The following PLEKHG3 variants were observed in gnomAD, a reference collection of about 807,000 sequenced individuals.
PLEKHG3 encodes the protein pleckstrin homology and RhoGEF domain containing G3, also known as pleckstrin homology domain-containing family G member 3.
PLEKHG3 carries 62 observed loss-of-function variants against 94.9 expected under a neutral mutation model. The ratio of observed to expected loss-of-function variants is 0.65; its 90% CI spans 0.53 to 0.81. PLEKHG3 has a LOEUF of 0.81. PLEKHG3 is among the 30% of genes least tolerant of loss of function. The pLI is 0.00. For missense variants in PLEKHG3, 1,461 were observed against 1,619.3 expected (o/e 0.90, Z 1.68); for synonymous variants, 614 against 654.0 (o/e 0.94, Z 0.93).
At chr14:64,734,758 T>C (rs2081538992) in intron 12 of PLEKHG3, among the ~76,000 whole-genome samples, 1 of 146,096 alleles carries the variant, frequency 6.8e-6, no homozygotes, top group Non-Finnish European at 1.5e-5. Context: ...TCCTTGTCTG[T>C]CACCCAGGCT....
Position 64,737,398 on chromosome 14 carries a change from G to A in PLEKHG3, c.1404+23G>A, listed in dbSNP as rs1355823285. ...AAGGTAAAGGCCAGTGGGAGGAGGG[G>A]ACTGGCTGACAGAGGAGGGTGGGAC... On this transcript the variant is annotated intron_variant, in intron 14 of 16. Transcript: ENST00000247226. 3 of 1,559,026 alleles carry A rather than the reference G, an allele frequency of 1.9e-6. No individual in the cohort carries two copies. The East Asian group carries it at 6.8e-5, about 35-fold the overall frequency.
rs572239736 is a variant in PLEKHG3 at position 64,709,776 on chromosome 14, A to C, written c.-40+5072A>C. Among the ~76,000 whole-genome samples the C allele has an allele frequency of 3.3e-5, 5 of 150,290 alleles. No individual in the cohort carries two copies. The South Asian group carries it at 1.1e-3, about 32-fold the overall frequency. ...GTGTGTGTGTGTGTGTAGTATTAGA[A>C]AGGAACCAGTATTCTCATATAGCTT... On this transcript the variant is annotated intron_variant, in intron 1 of 16. Transcript: ENST00000247226.
Position 64,749,625 on chromosome 14 carries a change from C to T in PLEKHG3, c.*5922C>T. On this transcript the variant is annotated 3_prime_UTR_variant, in exon 17 of 17. Transcript: ENST00000247226. The surrounding 1 kb of genome is among the most constrained non-coding windows in gnomAD (Gnocchi z 4.7). Reference sequence around the variant, plus strand: ...GTCCTCCACCTACCCCCTTCTTAGCCAGGTCTGGGCTAGGCTGCCCGCGCT... The same window carrying T: ...GTCCTCCACCTACCCCCTTCTTAGCTAGGTCTGGGCTAGGCTGCCCGCGCT... 1 of 1,613,084 alleles carries T rather than the reference C, an allele frequency of 6.2e-7. No homozygotes were observed. The highest frequency in any genetic ancestry group is 1.6e-4 in the Middle Eastern group (1 of 6,062).
rs34353769 is a variant in PLEKHG3, at chr14:64,748,936, C to CTTTTT, written c.*5247_*5251dup. The CTTTTT allele has an allele frequency of 7.8e-6, 1 of 128,390 alleles. No individual in the cohort carries two copies. 8.0% of individuals were successfully genotyped at this position (128,390 alleles called of 1,614,324 possible). A position where few individuals can be genotyped will look rare whatever the true frequency, so the allele number is the denominator to read the frequency against. ...AGAACCCCATCAGCCTTCTCCAGCT[C>CTTTTT]TTTTTTTTTTTTTTTTTTGGTTGGG... On this transcript the variant is annotated 3_prime_UTR_variant, in exon 17 of 17. Transcript: ENST00000247226.
chr14:64,727,457 A>C lies in PLEKHG3; in HGVS notation c.-39-136A>C. ...CACTGTCTATCCACAGAACCTTTTC[A>C]TCTTCTAAAACTGAACTCTGGATGC... is the stretch of plus-strand genomic sequence containing the variant. On this transcript the variant is annotated intron_variant, in intron 1 of 16. Transcript: ENST00000247226. The surrounding 1 kb of genome is among the most constrained non-coding windows in gnomAD (Gnocchi z 6.0). The C allele has an allele frequency of 1.7e-6, 1 of 582,912 alleles. No individual in the cohort carries two copies. Among genetic ancestry groups the C allele is most frequent in the Non-Finnish European group, 3.1e-6 (1 of 326,026 alleles). 36.1% of individuals were successfully genotyped at this position (582,912 alleles called of 1,614,324 possible).
At position 64,744,534 on chromosome 14, in the gene PLEKHG3, T is replaced by C. The variant is rs1289490440; in HGVS notation, c.*831T>C. On this transcript the variant is annotated 3_prime_UTR_variant, in exon 17 of 17. Coordinates refer to ENST00000247226, the MANE Select transcript of PLEKHG3 (RefSeq NM_001308147.2). ...CAGGAGGATGTGAGGGCGGGCTTTT[T>C]CTTTCTGCTGCCTAGACTCCCATGG... 1.3e-5 allele frequency: 2 copies of C among 152,124 alleles called. No individual in the cohort carries two copies. Among genetic ancestry groups the C allele is most frequent in the African/African-American group, 2.4e-5 (1 of 41,402 alleles). The allele number at this position is 152,124 out of a possible 1,614,324, so 9.4% of individuals were successfully genotyped here. A position where few individuals can be genotyped will look rare whatever the true frequency, so the allele number is the denominator to read the frequency against.
In PLEKHG3 at chr14:64,722,205, T is replaced by A. The variant is rs1331076134; in HGVS notation, c.-39-5388T>A. ...CATCGCCGTTCCTGAGTGAGGACTTTCTTTCTTCCTTTCTTTTTTTGTTTT... is the reference window on the plus strand; with the variant it reads ...CATCGCCGTTCCTGAGTGAGGACTTACTTTCTTCCTTTCTTTTTTTGTTTT... On this transcript the variant is annotated intron_variant, in intron 1 of 16. Coordinates refer to ENST00000247226, the MANE Select transcript of PLEKHG3 (RefSeq NM_001308147.2). This position sits in a 1 kb window ranked among gnomAD's most constrained non-coding sequence, Gnocchi z 4.3. 6.6e-6 allele frequency among the ~76,000 whole-genome samples: 1 copy of A among 152,082 alleles called. No individual in the cohort carries two copies. Among genetic ancestry groups the A allele is most frequent in the Non-Finnish European group, 1.5e-5 (1 of 68,018 alleles).
Position 64,732,116 on chromosome 14 carries a change from C to T in PLEKHG3, c.1147C>T (p.Arg383Trp), listed in dbSNP as rs368245076. ...CCAGGCCAAGACAGTGGAGGAGAAA[C>T]GGAACTGGACTCACCACATCAAGAG... ...SIQAKTVEEK[R>W]NWTHHIKRLI... The change falls in exon 10 of 17, where the codon CGG becomes TGG. Residue 383 changes from arginine (R) to tryptophan (W), a missense_variant. By Grantham distance (101) the Arg-to-Trp change is moderately radical. Transcript: ENST00000247226. The surrounding 1 kb of genome is among the most constrained non-coding windows in gnomAD (Gnocchi z 4.9). 1.3e-5 allele frequency: 21 copies of T among 1,613,772 alleles called. 1 individual carries two copies. The highest frequency in any genetic ancestry group is 3.3e-4 in the Middle Eastern group (2 of 6,082).
chr14:64,708,389 G>A (rs1173559565), intron 1 of PLEKHG3, among the ~76,000 whole-genome samples: 1 of 152,136 alleles, frequency 6.6e-6, no homozygotes, highest in African/African-American at 2.4e-5. Context: ...ATGCCTGGAG[G>A]TCGGAAGCGG....
rs367706006 is a variant in PLEKHG3 at position 64,749,219 on chromosome 14, C to CCGGCGGGCGG, written c.*5522_*5531dup. Reference sequence around the variant, plus strand: ...CGCGACTCGACTCATCTCGATTCGACCGGCGGGCGGCGGCGAGAGGAGGCC... The same window carrying CCGGCGGGCGG: ...CGCGACTCGACTCATCTCGATTCGACCGGCGGGCGGCGGCGGGCGGCGGCGAGAGGAGGCC... On this transcript the variant is annotated 3_prime_UTR_variant, in exon 17 of 17. Transcript: ENST00000247226. This position sits in a 1 kb window ranked among gnomAD's most constrained non-coding sequence, Gnocchi z 4.7. 1,687 of 1,479,134 alleles carry CCGGCGGGCGG rather than the reference C, an allele frequency of 1.1e-3. 23 individuals are homozygous for CCGGCGGGCGG. In the African/African-American group the frequency reaches 0.022, roughly 19 times the overall value. The allele number at this position is 1,479,134 out of a possible 1,614,324, so 91.6% of individuals were successfully genotyped here.
intron 16 of PLEKHG3, 139 bp from the exon 17 acceptor site, chr14:64,742,843 T>G: frequency 1.3e-6 from 1 of 757,294 alleles, no homozygotes. Context: ...CTGTGGATGG[T>G]AAGTGAGATT....
chr14:64,732,181 G>A lies in PLEKHG3; in HGVS notation c.1212G>A (p.Lys404=), dbSNP rs758950805. The A allele has an allele frequency of 1.2e-6, 2 of 1,612,418 alleles. No homozygotes were observed. Among genetic ancestry groups the A allele is most frequent in the Non-Finnish European group, 1.7e-6 (2 of 1,178,514 alleles). ...LENHHATIPQ[K]AKEAILEMDS... ...ACCACCATGCCACCATTCCCCAGAA[G>A]GTGAGTTCCCCCAGCTCCTGACTGT... The change falls in exon 10 of 17, where the codon AAG becomes AAA. Residue 404 remains lysine (K), a splice_region_variant and synonymous_variant. Transcript: ENST00000247226. This position sits in a 1 kb window ranked among gnomAD's most constrained non-coding sequence, Gnocchi z 4.9.
At position 64,726,102 on chromosome 14, in the gene PLEKHG3, A is replaced by T. The variant is rs1175323845; in HGVS notation, c.-39-1491A>T. ...GTCTAATTGGAGACCTAAAGATTGG[A>T]TGTAAATTACATAGGTTGGGGGATG... On this transcript the variant is annotated intron_variant, in intron 1 of 16. Coordinates refer to ENST00000247226, the MANE Select transcript of PLEKHG3 (RefSeq NM_001308147.2). This position sits in a 1 kb window ranked among gnomAD's most constrained non-coding sequence, Gnocchi z 5.1. 6.6e-6 allele frequency among the ~76,000 whole-genome samples: 1 copy of T among 152,084 alleles called. No homozygotes were observed. The highest frequency in any genetic ancestry group is 1.5e-5 in the Non-Finnish European group (1 of 68,012).
In PLEKHG3 at chr14:64,731,559, C is replaced by A; in HGVS notation, c.1032+16C>A. 6.2e-7 allele frequency: 1 copy of A among 1,611,490 alleles called. No individual in the cohort carries two copies. The highest frequency in any genetic ancestry group is 8.5e-7 in the Non-Finnish European group (1 of 1,177,712). On this transcript the variant is annotated intron_variant, in intron 8 of 16. Coordinates refer to ENST00000247226, the MANE Select transcript of PLEKHG3 (RefSeq NM_001308147.2). This position sits in a 1 kb window ranked among gnomAD's most constrained non-coding sequence, Gnocchi z 6.1. ...CAACATCCCGGTAACCAGGCCCTGC[C>A]CCATCTCCTCTGCCATCTTCTCTCC...
Position 64,734,287 on chromosome 14 carries a change from TCTC to T in PLEKHG3, c.1345+1387_1345+1389del, listed in dbSNP as rs915930622. Among the ~76,000 whole-genome samples the T allele has an allele frequency of 7.2e-5, 11 of 152,306 alleles. 1 individual carries two copies. The highest frequency in any genetic ancestry group is 7.2e-4 in the Admixed American group (11 of 15,296). ...TAGCCCTCTTTCTTTTCTCTTCTCT[TCTC>T]TTTTCTTTTCTTCTCCTGTAATTCT... On this transcript the variant is annotated intron_variant, in intron 12 of 16. Coordinates refer to ENST00000247226, the MANE Select transcript of PLEKHG3 (RefSeq NM_001308147.2).
At position 64,739,908 on chromosome 14, in the gene PLEKHG3, A is replaced by C. The variant is rs1248052234; in HGVS notation, c.1518+1053A>C. 6.6e-6 allele frequency among the ~76,000 whole-genome samples: 1 copy of C among 152,238 alleles called. No individual in the cohort carries two copies. The highest frequency in any genetic ancestry group is 2.4e-5 in the African/African-American group (1 of 41,458). The stretch of plus-strand genomic sequence containing the variant: ...ATGGCAATTTTAGAGATACACAGAC[A>C]TTCAGAGCAGAGCAAATTGGGGTGT... On this transcript the variant is annotated intron_variant, in intron 15 of 16. Coordinates refer to ENST00000247226, the MANE Select transcript of PLEKHG3 (RefSeq NM_001308147.2). The surrounding 1 kb of genome is among the most constrained non-coding windows in gnomAD (Gnocchi z 4.1).
intron 14 of PLEKHG3, chr14:64,737,978 G>GGAGGAGGAC (rs2139393102): frequency 9.9e-7 from 1 of 1,007,358 alleles, no homozygotes; most frequent in African/African-American, 3.3e-5. Context: ...AGGAGGTGGT[G>GGAGGAGGAC]GAGGAGGAGG....
chr14:64,741,384 G>T lies in PLEKHG3; in HGVS notation c.1867G>T (p.Asp623Tyr). The T allele has an allele frequency of 6.2e-7, 1 of 1,613,378 alleles. No homozygotes were observed. The highest frequency in any genetic ancestry group is 8.5e-7 in the Non-Finnish European group (1 of 1,180,036). Reference sequence around the variant, plus strand: ...TCGGCGGAGCAGCGTGGCACAGGAGGACAGCAAGTCCAGTGGCTTTGGGAG... The same window carrying T: ...TCGGCGGAGCAGCGTGGCACAGGAGTACAGCAAGTCCAGTGGCTTTGGGAG... ...FSRRSSVAQE[D>Y]SKSSGFGSPR... The change falls in exon 16 of 17, where the codon GAC (aspartate) becomes TAC (tyrosine). Residue 623 changes from aspartate (D) to tyrosine (Y), a missense_variant. By Grantham distance (160) the Asp-to-Tyr change is radical. Around this residue, in one of 3 missense-constraint regions of PLEKHG3, gnomAD observed 1,201 missense variants for 1,295.5 expected, o/e 0.93. Transcript: ENST00000247226.
chr14:64,709,494 T>C (rs1212957653), intron 1 of PLEKHG3, among the ~76,000 whole-genome samples: 20 of 152,162 alleles, frequency 1.3e-4, no homozygotes. Flanking sequence ...ACAACCCAAA[T>C]AGGGTTCTCG....
Sources: gnomAD v4.1 joint callset for allele counts (sites outside exome capture counted in the v4.1 genomes callset) on GRCh38, gnomAD v4.1.1 for gene constraint, gnomAD v4.1.1 regional missense constraint, Gnocchi (gnomAD v3.1) non-coding constraint, MANE v1.5 for transcripts, NCBI Gene and HGNC (gene_info 2026-07-23, HGNC 2026-07-21) for gene names.